The following RIC8B variants were observed in gnomAD, a reference collection of about 807,000 sequenced individuals.
RIC8B encodes the protein RIC8 guanine nucleotide exchange factor B.
A neutral mutation model predicts 57.5 loss-of-function variants in RIC8B; 16 were observed. That is an observed-to-expected ratio of 0.28 (90% CI 0.19 to 0.42). RIC8B has a LOEUF of 0.42. Among genes scored for constraint, RIC8B ranks in the 10% least tolerant of loss-of-function variants. The pLI, the probability that RIC8B is intolerant of heterozygous loss-of-function variation, is 1.00. For synonymous variants in RIC8B, 216 were observed against 250.8 expected, an observed-to-expected ratio of 0.86 and a Z score of 1.31; for missense variants, 481 against 677.0, an observed-to-expected ratio of 0.71 and a Z score of 3.21.
intron 2 of RIC8B, among the ~76,000 whole-genome samples, chr12:106,791,848 A>C (rs1188642295): frequency 6.6e-6 from 1 of 152,242 alleles, no homozygotes; most frequent in Non-Finnish European, 1.5e-5. Flanking sequence ...GCCAAAATAG[A>C]ATCATTAATC....
rs143051526 is a variant in RIC8B, at chr12:106,849,353, A to G, written c.1162-2097A>G. On this transcript the variant is annotated intron_variant, in intron 6 of 9. Coordinates refer to ENST00000392837, the MANE Select transcript of RIC8B (RefSeq NM_001330145.2). ...TTTTTTGTAGAGACAGGGTCTCGCTATGTTGCCCAGGCTGGTCTCGAGCTC... is the reference window on the plus strand; with the variant it reads ...TTTTTTGTAGAGACAGGGTCTCGCTGTGTTGCCCAGGCTGGTCTCGAGCTC... Among the ~76,000 whole-genome samples the G allele has an allele frequency of 2.8e-3, 420 of 149,996 alleles. 5 individuals are homozygous for G. The highest frequency in any genetic ancestry group is 0.026 in the East Asian group (134 of 5,136).
At chr12:106,815,440 C>T in intron 3 of RIC8B, 136 bp downstream of exon 3, 1 of 821,854 alleles carries the variant, frequency 1.2e-6, no homozygotes, top group East Asian at 2.5e-5. Flanking sequence ...ATTGTATTAC[C>T]CAGGATATAC....
intron 6 of RIC8B, among the ~76,000 whole-genome samples, chr12:106,850,022 G>A (rs553968510): frequency 1.9e-3 from 285 of 152,352 alleles, no homozygotes; most frequent in African/African-American, 6.0e-3. Flanking sequence ...AGCAGCAGGC[G>A]AGCATTACTG....
chr12:106,885,339 AAG>A (rs766588056), intron 9 of RIC8B, among the ~76,000 whole-genome samples: 13 of 152,090 alleles, frequency 8.5e-5, no homozygotes, highest in African/African-American at 2.9e-4. Context: ...GAAAGAGTGA[AAG>A]AGAGAGAGAG....
chr12:106,853,468 T>TTTTTTTTTTTTTTTTTTTTTTTTTTTG (rs1949570662), intron 7 of RIC8B, among the ~76,000 whole-genome samples: 1 of 119,254 alleles, frequency 8.4e-6, no homozygotes, highest in African/African-American at 3.3e-5. Flanking sequence ...TTTTTTTTTT[T>TTTTTTTTTTTTTTTTTTTTTTTTTTTG]TTTTTTTTTT....
chr12:106,796,216 T>G (rs2044474187), intron 2 of RIC8B, among the ~76,000 whole-genome samples: 1 of 152,022 alleles, frequency 6.6e-6, no homozygotes, highest in Non-Finnish European at 1.5e-5. Context: ...AAGAACAAAC[T>G]CAGAGGATTC....
rs550399478 is a variant in RIC8B at position 106,843,616 on chromosome 12, G to C, written c.1066-236G>C. 3.2e-4 allele frequency among the ~76,000 whole-genome samples: 48 copies of C among 151,546 alleles called. No individual in the cohort carries two copies. In the Middle Eastern group the frequency reaches 0.01, roughly 32 times the overall value. On this transcript the variant is annotated intron_variant, in intron 5 of 9. Coordinates refer to ENST00000392837, the MANE Select transcript of RIC8B (RefSeq NM_001330145.2). The stretch of plus-strand genomic sequence containing the variant: ...GGGCACCTGTAGTCCCAGCTACTCA[G>C]GAGGCTGAGGCAGGAGAATGGCGTG...
chr12:106,851,954 C>G (rs1949494185), intron 7 of RIC8B, among the ~76,000 whole-genome samples: 1 of 152,142 alleles, frequency 6.6e-6, no homozygotes, highest in Admixed American at 6.5e-5. Context: ...GGGTTAATTC[C>G]TCTTTTTAAT....
chr12:106,797,680 A>G (rs2044544485), intron 2 of RIC8B, among the ~76,000 whole-genome samples: 1 of 152,242 alleles, frequency 6.6e-6, no homozygotes, highest in South Asian at 2.1e-4. Context: ...TTTTAAAATA[A>G]ATACTAGTAG....
intron 3 of RIC8B, among the ~76,000 whole-genome samples, chr12:106,820,000 G>T (rs765625441): frequency 1.3e-5 from 2 of 151,978 alleles, no homozygotes; most frequent in African/African-American, 2.4e-5. Flanking sequence ...AAAGTTTCAG[G>T]TGTTTTTATA....
chr12:106,871,492 A>AAAC (rs1555263953), intron 9 of RIC8B: 3 of 137,910 alleles, frequency 2.2e-5, no homozygotes, highest in East Asian at 3.9e-4. Context: ...AAAAAAAAAA[A>AAAC]AAAAAACCAA....
rs1014969870 is a variant in RIC8B, at chr12:106,868,798, C to A, written c.1452-2025C>A. On this transcript the variant is annotated intron_variant, in intron 8 of 9. Coordinates refer to ENST00000392837, the MANE Select transcript of RIC8B (RefSeq NM_001330145.2). ...ACACACACACACACACACACACACA[C>A]ACACACACACACACACAGATTTATT... Among the ~76,000 whole-genome samples the A allele has an allele frequency of 1.8e-4, 26 of 146,728 alleles. 1 individual carries two copies. The South Asian group carries it at 2.4e-3, about 13-fold the overall frequency.
intron 4 of RIC8B, among the ~76,000 whole-genome samples, chr12:106,827,755 A>T (rs534795553): frequency 2.6e-5 from 4 of 152,242 alleles, no homozygotes; most frequent in African/African-American, 9.6e-5. Flanking sequence ...ATTTTGACCC[A>T]CTGTAATTTT....
At position 106,888,155 on chromosome 12, in the gene RIC8B, T is replaced by C. The variant is rs1951256332; in HGVS notation, c.*2140T>C. On this transcript the variant is annotated 3_prime_UTR_variant, in exon 10 of 10. Coordinates refer to ENST00000392837, the MANE Select transcript of RIC8B (RefSeq NM_001330145.2). ...AAGATGTGTTTAATGAAATGCCATC[T>C]TACCAGCTTTCTTTATGCAGAGTAA... 1 of 152,458 alleles carries C rather than the reference T, an allele frequency of 6.6e-6. No homozygotes were observed. The highest frequency in any genetic ancestry group is 2.4e-5 in the African/African-American group (1 of 41,470). The allele number at this position is 152,458 out of a possible 1,614,324, so 9.4% of individuals were successfully genotyped here.
At chr12:106,780,462 A>T (rs2043715255) in intron 1 of RIC8B, among the ~76,000 whole-genome samples, 1 of 152,182 alleles carries the variant, frequency 6.6e-6, no homozygotes, top group South Asian at 2.1e-4. Flanking sequence ...TGATATTGGG[A>T]CAGTTCTATA....
chr12:106,878,833 C>G (rs1023596306), intron 9 of RIC8B, among the ~76,000 whole-genome samples: 4 of 151,990 alleles, frequency 2.6e-5, no homozygotes, highest in African/African-American at 7.2e-5. Context: ...TTCCCCCCCC[C>G]TTTTCTTCTT....
intron 1 of RIC8B, among the ~76,000 whole-genome samples, 189 bp from the exon 2 acceptor site, chr12:106,783,808 G>T (rs1267711927): frequency 6.6e-6 from 1 of 152,122 alleles, no homozygotes; most frequent in Non-Finnish European, 1.5e-5. Flanking sequence ...ATATATATCT[G>T]CTGTAGTCTT....
chr12:106,802,331 T>A (rs892240783), intron 2 of RIC8B, among the ~76,000 whole-genome samples: 2 of 152,152 alleles, frequency 1.3e-5, no homozygotes, highest in Non-Finnish European at 2.9e-5. Flanking sequence ...GCATAACCTA[T>A]TTTAAGATTA....
intron 3 of RIC8B, among the ~76,000 whole-genome samples, chr12:106,817,953 G>A (rs947930323): frequency 2.0e-5 from 3 of 152,018 alleles, no homozygotes; most frequent in African/African-American, 2.4e-5. Context: ...CTTCAATTGG[G>A]CAAGCCCATA....
Sources: allele counts gnomAD v4.1 joint callset (sites outside exome capture counted in the v4.1 genomes callset), GRCh38; gene constraint gnomAD v4.1.1; transcripts MANE v1.5; gene names NCBI Gene and HGNC (gene_info 2026-07-23, HGNC 2026-07-21).